Variants in SH3BGR observed in about 807,000 individuals in gnomAD.
The protein encoded by SH3BGR is SH3 domain binding glutamate rich protein, also known as SH3 domain-binding glutamic acid-rich protein.
SH3BGR carries 29 observed loss-of-function variants against 24.5 expected under a neutral mutation model. The observed-to-expected ratio is 1.18, with a 90% CI of 0.88 to 1.61. The LOEUF is 1.61. SH3BGR is among the 40% of genes most tolerant of loss of function. The pLI, the probability that SH3BGR is intolerant of heterozygous loss-of-function variation, is 0.00. For missense variants in SH3BGR, 162 were observed against 205.8 expected, an observed-to-expected ratio of 0.79 and a Z score of 1.30; for synonymous variants, 55 against 65.7, an observed-to-expected ratio of 0.84 and a Z score of 0.79.
In SH3BGR at chr21:39,511,534, A is replaced by C; in HGVS notation, c.436-146A>C. ...TTTGTGTGGCATGTGTGGTGTGTGT[A>C]TTTGTGTGTTGTGTGTGTTTGTTTG... On this transcript the variant is annotated intron_variant, in intron 5 of 6. Transcript: ENST00000333634. The surrounding 1 kb of genome is among the most constrained non-coding windows in gnomAD (Gnocchi z 4.2). 1 of 642,550 alleles carries C rather than the reference A, an allele frequency of 1.6e-6. No homozygotes were observed. Among genetic ancestry groups the C allele is most frequent in the Non-Finnish European group, 2.6e-6 (1 of 382,808 alleles). The allele number at this position is 642,550 out of a possible 1,614,324, so 39.8% of individuals were successfully genotyped here.
At chr21:39,469,308 T>C (rs2077897373) in intron 2 of SH3BGR, among the ~76,000 whole-genome samples, 2 of 151,902 alleles carry the variant, frequency 1.3e-5, no homozygotes, top group Admixed American at 6.6e-5. Context: ...TTGTGTCTTC[T>C]CTGATTTTTT....
Position 39,489,090 on chromosome 21 carries a change from A to G in SH3BGR, c.313-10733A>G, listed in dbSNP as rs576025584. Among the ~76,000 whole-genome samples, 20 of 152,336 alleles carry G rather than the reference A, an allele frequency of 1.3e-4. No individual in the cohort carries two copies. In the East Asian group the frequency reaches 2.7e-3, roughly 21 times the overall value. ...AACATAAAATAAAACACAAAGAAAT[A>G]GAAATTGTGAGTGAAAGGTACAAGT... On this transcript the variant is annotated intron_variant, in intron 3 of 6. Coordinates refer to ENST00000333634, the MANE Select transcript of SH3BGR (RefSeq NM_007341.3).
intron 3 of SH3BGR, among the ~76,000 whole-genome samples, chr21:39,494,802 G>T (rs941946884): frequency 6.6e-6 from 1 of 151,502 alleles, no homozygotes; most frequent in African/African-American, 2.4e-5. Context: ...TGCTCCATTT[G>T]TTTTCATTTC....
chr21:39,450,112 A>G (rs1448693659), upstream of SH3BGR, among the ~76,000 whole-genome samples: 4 of 152,208 alleles, frequency 2.6e-5, no homozygotes, highest in Admixed American at 2.6e-4. Context: ...TTGGAGAAAT[A>G]TGGCATGCTT....
rs531994377 is a variant in SH3BGR, at chr21:39,446,693, T to C, written c.-100+612T>C. Among the ~76,000 whole-genome samples the C allele has an allele frequency of 2.6e-5, 4 of 152,338 alleles. No homozygotes were observed. The South Asian group carries it at 8.3e-4, about 32-fold the overall frequency. On this transcript the variant is annotated intron_variant, in intron 1 of 6. Transcript: ENST00000380631. ...AGTGCCATTTGTCCTTATTGTGTGA[T>C]TTGCATTTTCCTGTCTTTTGTCCAT...
At chr21:39,465,155 C>G (rs1404889251) in intron 2 of SH3BGR, among the ~76,000 whole-genome samples, 1 of 152,062 alleles carries the variant, frequency 6.6e-6, no homozygotes, top group Non-Finnish European at 1.5e-5. Context: ...AACTCCTGGC[C>G]TCCCAAAGTA....
At chr21:39,452,299 A>G (rs1328629640) in intron 1 of SH3BGR, 158 bp downstream of exon 1, 11 of 348,666 alleles carry the variant, frequency 3.2e-5, no homozygotes, top group Non-Finnish European at 4.0e-5. Context: ...TTGATTTCAT[A>G]GTGTTGAAAA....
At chr21:39,478,803 TATCA>T (rs1157722993) in intron 3 of SH3BGR, among the ~76,000 whole-genome samples, 1 of 152,102 alleles carries the variant, frequency 6.6e-6, no homozygotes, top group Non-Finnish European at 1.5e-5. Context: ...CCATTTCTCC[TATCA>T]ATCATATCTG....
intron 3 of SH3BGR, among the ~76,000 whole-genome samples, chr21:39,478,175 A>T (rs1430977912): frequency 6.6e-6 from 1 of 152,218 alleles, no homozygotes; most frequent in Non-Finnish European, 1.5e-5. Context: ...TACATATATG[A>T]TATTGGAAAG....
At chr21:39,484,318 C>T (rs1179601176) in intron 3 of SH3BGR, among the ~76,000 whole-genome samples, 1 of 152,210 alleles carries the variant, frequency 6.6e-6, no homozygotes, top group South Asian at 2.1e-4. Flanking sequence ...CTCTGAAATT[C>T]GAGGCAATAA....
intron 2 of SH3BGR, among the ~76,000 whole-genome samples, chr21:39,462,957 C>G (rs541771475): frequency 1.3e-5 from 2 of 152,328 alleles, no homozygotes; most frequent in African/African-American, 4.8e-5. Context: ...AATCATGGCT[C>G]ACTGCAGCCT....
chr21:39,509,877 C>T (rs2078646557), intron 5 of SH3BGR, among the ~76,000 whole-genome samples: 1 of 152,034 alleles, frequency 6.6e-6, no homozygotes, highest in South Asian at 2.1e-4. Flanking sequence ...GATGTTTCAG[C>T]ACAAGGTCAT....
upstream of SH3BGR, among the ~76,000 whole-genome samples, chr21:39,447,734 GA>G (rs2077525718): frequency 6.6e-6 from 1 of 152,072 alleles, no homozygotes; most frequent in East Asian, 1.9e-4. Flanking sequence ...TTTTGCTTTC[GA>G]AGGGGTGTTC....
At chr21:39,510,335 C>T (rs1010643298) in intron 5 of SH3BGR, among the ~76,000 whole-genome samples, 5 of 151,172 alleles carry the variant, frequency 3.3e-5, no homozygotes, top group African/African-American at 9.7e-5. Flanking sequence ...TTTTAACCCT[C>T]GTTACCCAGA....
chr21:39,449,993 A>T (rs1165041616), upstream of SH3BGR, among the ~76,000 whole-genome samples: 1 of 152,216 alleles, frequency 6.6e-6, no homozygotes, highest in Non-Finnish European at 1.5e-5. Context: ...TTCACCTGAT[A>T]TAATCAAGAG....
At chr21:39,503,494 C>T (rs2078531588) in intron 4 of SH3BGR, among the ~76,000 whole-genome samples, 1 of 152,106 alleles carries the variant, frequency 6.6e-6, no homozygotes, top group Non-Finnish European at 1.5e-5. Flanking sequence ...AGCAAAAAAC[C>T]TCTCTCCAGC....
chr21:39,447,559 G>A (rs1372356324), upstream of SH3BGR, among the ~76,000 whole-genome samples: 1 of 151,762 alleles, frequency 6.6e-6, no homozygotes, highest in African/African-American at 2.4e-5. Context: ...GGGATTACAG[G>A]TGTGAGTCAC....
intron 2 of SH3BGR, among the ~76,000 whole-genome samples, chr21:39,472,609 TGG>T (rs2077960165): frequency 6.6e-6 from 1 of 152,204 alleles, no homozygotes; most frequent in South Asian, 2.1e-4. Context: ...ACACATGGCA[TGG>T]GAATTTGAAC....
chr21:39,493,108 G>A (rs1005152553), intron 3 of SH3BGR, among the ~76,000 whole-genome samples: 4 of 152,130 alleles, frequency 2.6e-5, no homozygotes, highest in Non-Finnish European at 4.4e-5. Context: ...CCGTGCAAAA[G>A]CTCTTTAGTT....
Sources: gnomAD v4.1 joint callset for allele counts (sites outside exome capture counted in the v4.1 genomes callset) on GRCh38, gnomAD v4.1.1 for gene constraint, Gnocchi (gnomAD v3.1) non-coding constraint, MANE v1.5 for transcripts, NCBI Gene and HGNC (gene_info 2026-07-23, HGNC 2026-07-21) for gene names.